Variants in CSMD1 observed in about 807,000 individuals in gnomAD.
CSMD1 encodes CUB and Sushi multiple domains 1.
A neutral mutation model predicts 417.5 loss-of-function variants in CSMD1; 213 were observed. The observed-to-expected ratio is 0.51, with a 90% CI of 0.46 to 0.57. The LOEUF (loss-of-function observed/expected upper bound fraction) is 0.57, where lower values mean the gene tolerates loss of function less well. Among genes scored for constraint, CSMD1 ranks in the 20% least tolerant of loss-of-function variants. The probability of loss-of-function intolerance (pLI) is 0.00; values close to 1 mark genes in which losing one functional copy is unlikely to be tolerated. For missense variants in CSMD1, 6,923 were observed against 4,529.7 expected, an observed-to-expected ratio of 1.53 and a Z score of -15.17; for synonymous variants, 2,862 against 1,736.8, an observed-to-expected ratio of 1.65 and a Z score of -16.11.
At chr8:4,458,970 A>G (rs1179525558) in intron 2 of CSMD1, among the ~76,000 whole-genome samples, 13 of 152,326 alleles carry the variant, frequency 8.5e-5, no homozygotes. Flanking sequence ...ACATCTAACC[A>G]AGAACATCTC....
At chr8:4,793,386 G>T (rs191480968) in intron 1 of CSMD1, among the ~76,000 whole-genome samples, 1 of 151,928 alleles carries the variant, frequency 6.6e-6, no homozygotes, top group Non-Finnish European at 1.5e-5. Context: ...AATAAATTTT[G>T]TTTCAAAATA....
At chr8:2,968,302 G>C (rs1488669922) in intron 57 of CSMD1, among the ~76,000 whole-genome samples, 1 of 152,202 alleles carries the variant, frequency 6.6e-6, no homozygotes, top group Non-Finnish European at 1.5e-5. Flanking sequence ...CCAATTCATA[G>C]TTTAACAAAC....
chr8:4,282,676 C>G (rs941107687), intron 3 of CSMD1, among the ~76,000 whole-genome samples: 3 of 152,240 alleles, frequency 2.0e-5, no homozygotes, highest in East Asian at 1.9e-4. Flanking sequence ...CAGTTAGGAA[C>G]TGAGTTGGCT....
At chr8:4,890,551 G>C (rs990803925) in intron 1 of CSMD1, among the ~76,000 whole-genome samples, 2 of 149,862 alleles carry the variant, frequency 1.3e-5, no homozygotes, top group African/African-American at 4.9e-5. Context: ...CTCTCCTTCA[G>C]GTCCTCACAG....
chr8:3,134,108 G>T (rs111326683), intron 41 of CSMD1, among the ~76,000 whole-genome samples: 2,080 of 152,132 alleles, frequency 0.014, 59 homozygotes, highest in African/African-American at 0.048. Flanking sequence ...GGAGTTAGAG[G>T]TTGCAGTGAG....
chr8:4,449,347 C>G (rs954806054), intron 2 of CSMD1, among the ~76,000 whole-genome samples: 1 of 152,110 alleles, frequency 6.6e-6, no homozygotes, highest in Admixed American at 6.6e-5. Flanking sequence ...TTTAAGCCTC[C>G]CCCTCTCTTT....
At chr8:3,922,068 T>A (rs936087151) in intron 5 of CSMD1, among the ~76,000 whole-genome samples, 1 of 152,182 alleles carries the variant, frequency 6.6e-6, no homozygotes, top group South Asian at 2.1e-4. Context: ...GCTACAATGT[T>A]GGGTGCATAT....
chr8:3,770,795 T>C (rs1165463126), intron 5 of CSMD1, among the ~76,000 whole-genome samples: 2 of 152,122 alleles, frequency 1.3e-5, no homozygotes, highest in African/African-American at 2.4e-5. Context: ...TTCTTTATAC[T>C]CTCTCAACCA....
rs141038628 is a variant in CSMD1 at position 2,972,284 on chromosome 8, G to A, written c.8923+833C>T. ...AAGTTAAATTTCTCACATTGATAGT[G>A]TGTATGTGAGCTTACTCAAGTTGGT... On this transcript the variant is annotated intron_variant, in intron 57 of 69. Transcript: ENST00000635120. Among the ~76,000 whole-genome samples the A allele has an allele frequency of 2.0e-5, 3 of 152,312 alleles. No homozygotes were observed. In the East Asian group the frequency reaches 5.8e-4, roughly 29 times the overall value.
At chr8:4,434,584 T>G (rs745809077) in intron 2 of CSMD1, among the ~76,000 whole-genome samples, 2 of 152,210 alleles carry the variant, frequency 1.3e-5, no homozygotes, top group African/African-American at 2.4e-5. Flanking sequence ...GAAGTTCATG[T>G]TACAGTCAAT....
At chr8:4,990,288 T>C (rs1303856531) in intron 1 of CSMD1, among the ~76,000 whole-genome samples, 1 of 152,144 alleles carries the variant, frequency 6.6e-6, no homozygotes, top group Non-Finnish European at 1.5e-5. Flanking sequence ...TAATTAGTAA[T>C]AATATCCTGA....
In CSMD1 at chr8:3,919,471, C is replaced by T. The variant is rs554365183; in HGVS notation, c.818+78432G>A. Among the ~76,000 whole-genome samples, 7 of 152,150 alleles carry T rather than the reference C, an allele frequency of 4.6e-5. 1 individual carries two copies. In the East Asian group the frequency reaches 1.4e-3, roughly 29 times the overall value. ...TTGCTTGAGTTCACTTTCTGGCTTT[C>T]TATTCTGTATTATTGGTCTATGTGT... On this transcript the variant is annotated intron_variant, in intron 5 of 69. Transcript: ENST00000635120.
intron 3 of CSMD1, among the ~76,000 whole-genome samples, chr8:4,380,439 G>A (rs535379840): frequency 3.3e-5 from 5 of 152,162 alleles, no homozygotes; most frequent in South Asian, 2.1e-4. Flanking sequence ...AATTTCCACA[G>A]AATGGTTTAC....
At chr8:3,812,199 C>T (rs1179584566) in intron 5 of CSMD1, among the ~76,000 whole-genome samples, 3 of 152,130 alleles carry the variant, frequency 2.0e-5, no homozygotes, top group Non-Finnish European at 4.4e-5. Context: ...AGACCACATA[C>T]AAACAATATA....
At chr8:4,809,129 T>C (rs537423180) in intron 1 of CSMD1, among the ~76,000 whole-genome samples, 4 of 152,284 alleles carry the variant, frequency 2.6e-5, no homozygotes, top group African/African-American at 9.6e-5. Flanking sequence ...AAAGGAGCCA[T>C]AGCTATTAAT....
At chr8:3,993,056 C>T (rs934963298) in intron 5 of CSMD1, among the ~76,000 whole-genome samples, 1 of 152,158 alleles carries the variant, frequency 6.6e-6, no homozygotes, top group Non-Finnish European at 1.5e-5. Context: ...GAAAAGACAT[C>T]AGTAGAAAAG....
In CSMD1 at chr8:4,629,807, C is replaced by G. The variant is rs1048768578; in HGVS notation, c.302+7535G>C. On this transcript the variant is annotated intron_variant, in intron 2 of 69. Coordinates refer to ENST00000635120, the MANE Select transcript of CSMD1 (RefSeq NM_033225.6). The stretch of plus-strand genomic sequence containing the variant: ...TTTCATGACCAAATCAAGAAGATAT[C>G]TTTGTCTGCTAATAATAGTGTCATG... Among the ~76,000 whole-genome samples, 4 of 152,140 alleles carry G rather than the reference C, an allele frequency of 2.6e-5. No homozygotes were observed. In the East Asian group the frequency reaches 7.7e-4, roughly 29 times the overall value.
intron 1 of CSMD1, among the ~76,000 whole-genome samples, chr8:4,882,337 C>A (rs1261249879): frequency 1.3e-5 from 2 of 151,564 alleles, no homozygotes; most frequent in Non-Finnish European, 2.9e-5. Context: ...TGACATGTCG[C>A]CTGCTTGGTT....
At chr8:4,061,096 A>T (rs969675452) in intron 3 of CSMD1, among the ~76,000 whole-genome samples, 2 of 152,140 alleles carry the variant, frequency 1.3e-5, no homozygotes, top group South Asian at 2.1e-4. Context: ...ATTTTTGTTG[A>T]TATCTTATGG....
Sources: allele counts gnomAD v4.1 joint callset (sites outside exome capture counted in the v4.1 genomes callset), GRCh38; gene constraint gnomAD v4.1.1; transcripts MANE v1.5; gene names NCBI Gene and HGNC (gene_info 2026-07-23, HGNC 2026-07-21).